The following LRRIQ3 variants were observed in gnomAD, a reference collection of about 807,000 sequenced individuals.
The protein encoded by LRRIQ3 is leucine-rich repeat and IQ domain-containing protein 3.
In LRRIQ3, 75 loss-of-function variants were observed where a neutral mutation model predicts 59.3. That is an observed-to-expected ratio of 1.26 (90% CI 1.05 to 1.53). The LOEUF is 1.53. Among genes scored for constraint, LRRIQ3 ranks in the 40% most tolerant of loss-of-function variants. The pLI is 0.00. For synonymous variants in LRRIQ3, 250 were observed against 231.3 expected (o/e 1.08, Z -0.73); for missense variants, 831 against 710.0 (o/e 1.17, Z -1.94).
intron 4 of LRRIQ3, among the ~76,000 whole-genome samples, chr1:74,150,478 C>T (rs1485128833): frequency 1.3e-5 from 2 of 152,004 alleles, no homozygotes; most frequent in Non-Finnish European, 2.9e-5. Context: ...TCTTGCTCCC[C>T]ATTGGATAAG....
intron 5 of LRRIQ3, among the ~76,000 whole-genome samples, chr1:74,101,591 T>C (rs1020226631): frequency 1.3e-5 from 2 of 152,290 alleles, no homozygotes; most frequent in African/African-American, 2.4e-5. Flanking sequence ...ATCATGCTGC[T>C]ATAAAGACAC....
chr1:74,058,503 T>C (rs572093683), intron 6 of LRRIQ3, among the ~76,000 whole-genome samples: 28 of 152,174 alleles, frequency 1.8e-4, no homozygotes, highest in Middle Eastern at 3.4e-3. Flanking sequence ...CTTGCATATA[T>C]GGAAGCTAAA....
At chr1:74,080,728 A>C (rs1646264680) in intron 5 of LRRIQ3, among the ~76,000 whole-genome samples, 1 of 151,722 alleles carries the variant, frequency 6.6e-6, no homozygotes, top group Admixed American at 6.6e-5. Flanking sequence ...CTCAAACAAA[A>C]AGAGTCGCCT....
At chr1:74,156,097 G>T (rs1648308278) in intron 3 of LRRIQ3, among the ~76,000 whole-genome samples, 2 of 152,194 alleles carry the variant, frequency 1.3e-5, no homozygotes, top group African/African-American at 4.8e-5. Context: ...ATTGGATCAT[G>T]GGGGCTGTTC....
chr1:74,192,669 A>C, intron 1 of LRRIQ3, among the ~76,000 whole-genome samples: 1 of 152,228 alleles, frequency 6.6e-6, no homozygotes, highest in Non-Finnish European at 1.5e-5. Context: ...CAGTATATAA[A>C]CAACCTTAAT....
In LRRIQ3 at chr1:74,109,539, T is replaced by G. The variant is rs780372866; in HGVS notation, c.722A>C (p.His241Pro). The part of the protein sequence containing the change: ...VRKNLSPVFF[H>P]KKKQQEKIIR... ...AATTTTTTCCTGCTGTTTTTTTTTG[T>G]GGAAAAACACAGGGCTGAATATAAG... The change falls in exon 5 of 8, where the codon CAC (histidine) becomes CCC (proline). Residue 241 changes from histidine to proline, a missense_variant. By Grantham distance (77) the His-to-Pro change is moderately conservative (BLOSUM62 -2). Transcript: ENST00000354431. 6.4e-7 allele frequency: 1 copy of G among 1,558,562 alleles called. No homozygotes were observed.
chr1:74,168,651 C>T (rs1444680985), intron 3 of LRRIQ3, among the ~76,000 whole-genome samples: 2 of 151,848 alleles, frequency 1.3e-5, no homozygotes, highest in African/African-American at 2.4e-5. Flanking sequence ...TGTTAGATTC[C>T]TGTTTTTTTC....
At chr1:74,081,632 A>G (rs1646273959) in intron 5 of LRRIQ3, among the ~76,000 whole-genome samples, 2 of 151,738 alleles carry the variant, frequency 1.3e-5, no homozygotes, top group Middle Eastern at 3.4e-3. Flanking sequence ...ATTTCAGAAT[A>G]TATAGTTTTC....
At chr1:74,147,429 G>T (rs1163639028) in intron 4 of LRRIQ3, among the ~76,000 whole-genome samples, 2 of 152,116 alleles carry the variant, frequency 1.3e-5, no homozygotes, top group Admixed American at 6.5e-5. Flanking sequence ...ACATTTTAAG[G>T]TATTTTTCAA....
intron 1 of LRRIQ3, among the ~76,000 whole-genome samples, chr1:74,188,704 A>T (rs1391270032): frequency 6.6e-6 from 1 of 152,058 alleles, no homozygotes; most frequent in African/African-American, 2.4e-5. Flanking sequence ...TTTCCATAGG[A>T]CCTGAACTAG....
At chr1:74,143,430 G>A (rs1483916723) in intron 4 of LRRIQ3, among the ~76,000 whole-genome samples, 5 of 151,826 alleles carry the variant, frequency 3.3e-5, no homozygotes, top group South Asian at 2.1e-4. Flanking sequence ...GTACTTTGTC[G>A]TAACAGATGG....
chr1:74,146,877 G>T (rs1013653525), intron 4 of LRRIQ3, among the ~76,000 whole-genome samples: 1 of 152,166 alleles, frequency 6.6e-6, no homozygotes, highest in African/African-American at 2.4e-5. Flanking sequence ...TAGGATAGTT[G>T]ATTAGACCTA....
chr1:74,068,367 T>C (rs1204979694), intron 6 of LRRIQ3, among the ~76,000 whole-genome samples: 1 of 152,056 alleles, frequency 6.6e-6, no homozygotes, highest in Non-Finnish European at 1.5e-5. Context: ...AAGATCTGCA[T>C]AGCAGGGAAA....
intron 6 of LRRIQ3, among the ~76,000 whole-genome samples, chr1:74,060,243 TTCTTCTTCTTCTTCCTCTTCC>T (rs1654677827): frequency 8.6e-6 from 1 of 115,724 alleles, no homozygotes; most frequent in African/African-American, 3.0e-5. Flanking sequence ...CTTCTTCTTC[TTCTTCTTCTTCTTCCTCTTCC>T]TCTTCTTTCT....
intron 6 of LRRIQ3, among the ~76,000 whole-genome samples, chr1:74,057,016 C>T (rs1323583456): frequency 2.0e-5 from 3 of 152,254 alleles, no homozygotes; most frequent in South Asian, 2.1e-4. Flanking sequence ...CCTTTGCCTT[C>T]GCTATGATTG....
At chr1:74,132,968 G>A (rs966031486) in intron 4 of LRRIQ3, among the ~76,000 whole-genome samples, 18 of 152,066 alleles carry the variant, frequency 1.2e-4, no homozygotes, top group Admixed American at 2.0e-4. Flanking sequence ...CTACTCATCT[G>A]ACAATGGGCT....
At chr1:74,178,406 G>A (rs534992848) in intron 3 of LRRIQ3, among the ~76,000 whole-genome samples, 27 of 151,818 alleles carry the variant, frequency 1.8e-4, no homozygotes, top group East Asian at 3.9e-4. Flanking sequence ...GCAAAAACAC[G>A]TTAAATTTTA....
chr1:74,150,051 A>G (rs1647832030), intron 4 of LRRIQ3, among the ~76,000 whole-genome samples: 1 of 152,210 alleles, frequency 6.6e-6, no homozygotes, highest in African/African-American at 2.4e-5. Flanking sequence ...TATATCCGGT[A>G]AGGGTGATTA....
intron 5 of LRRIQ3, among the ~76,000 whole-genome samples, chr1:74,079,761 T>C (rs1646252635): frequency 6.6e-6 from 1 of 151,816 alleles, no homozygotes; most frequent in East Asian, 1.9e-4. Context: ...TGAGTGGAGA[T>C]TTAGAAACTT....
Sources: allele counts gnomAD v4.1 joint callset (sites outside exome capture counted in the v4.1 genomes callset), GRCh38; gene constraint gnomAD v4.1.1; transcripts MANE v1.5; gene names NCBI Gene and HGNC (gene_info 2026-07-23, HGNC 2026-07-21).